KLHL23: variants seen among roughly 807,000 people sequenced by gnomAD.
KLHL23 encodes the protein kelch like family member 23, also known as kelch-like protein 23.
A neutral mutation model predicts 48.9 loss-of-function variants in KLHL23; 33 were observed. The observed-to-expected ratio is 0.67, with a 90% CI of 0.51 to 0.90. The LOEUF (loss-of-function observed/expected upper bound fraction) is 0.90. Ranked by LOEUF, KLHL23 falls within the 40% of genes least tolerant of loss-of-function variation. The pLI is 0.00. For missense variants in KLHL23, 608 were observed against 669.6 expected (o/e 0.91, Z 1.02); for synonymous variants, 234 against 231.6 (o/e 1.01, Z -0.09).
rs528181697 is a variant in KLHL23 at position 169,739,407 on chromosome 2, G to A, written c.1214-1978G>A. Among the ~76,000 whole-genome samples the A allele has an allele frequency of 3.3e-5, 5 of 152,210 alleles. No homozygotes were observed. In the East Asian group the frequency reaches 9.7e-4, roughly 29 times the overall value. On this transcript the variant is annotated intron_variant, in intron 2 of 3. Coordinates refer to ENST00000392647, the MANE Select transcript of KLHL23 (RefSeq NM_144711.6). ...CATCAGTAAGTATCCTTTGCTACAT[G>A]GCTTCAACTTACCATGCCAGCCTTA...
chr2:169,739,237 C>G (rs1688615316), intron 2 of KLHL23, among the ~76,000 whole-genome samples: 1 of 151,838 alleles, frequency 6.6e-6, no homozygotes, highest in Non-Finnish European at 1.5e-5. Context: ...TACCCAAAGC[C>G]CCTTCAAAAT....
chr2:169,748,521 AGAGACCAGGAT>A (rs1196835471), intron 3 of KLHL23, among the ~76,000 whole-genome samples: 1 of 152,216 alleles, frequency 6.6e-6, no homozygotes, highest in Non-Finnish European at 1.5e-5. Context: ...AAAACAGGGC[AGAGACCAGGAT>A]GAGGCAAATG....
In KLHL23 at chr2:169,749,594, T is replaced by C. The variant is rs1183661636; in HGVS notation, c.1539T>C (p.Thr513=). 8.7e-6 allele frequency: 14 copies of C among 1,613,968 alleles called. No individual in the cohort carries two copies. The Admixed American group carries it at 2.3e-4, about 27-fold the overall frequency. The change falls in exon 4 of 4, where the codon ACT becomes ACC. Residue 513 remains threonine, a synonymous_variant. Coordinates refer to ENST00000392647, the MANE Select transcript of KLHL23 (RefSeq NM_144711.6). ...AVIMNGCIYV[T]GGYSYSKGTY... ...TCATGAATGGATGTATTTATGTCAC[T>C]GGAGGATACTCCTACTCAAAGGGAA...
chr2:169,738,686 A>G lies in KLHL23; in HGVS notation c.1213+2459A>G, dbSNP rs182353831. On this transcript the variant is annotated intron_variant, in intron 2 of 3. Transcript: ENST00000392647. ...CTTATAAATCCACTTTTATTTTGGA[A>G]TAGAAAGGAACAAGAAGATTGAACT... Among the ~76,000 whole-genome samples the G allele has an allele frequency of 4.2e-4, 64 of 152,160 alleles. 1 individual carries two copies. In the East Asian group the frequency reaches 0.012, roughly 29 times the overall value.
intron 2 of KLHL23, among the ~76,000 whole-genome samples, chr2:169,740,471 C>G (rs541500379): frequency 6.9e-6 from 1 of 144,004 alleles, no homozygotes; most frequent in African/African-American, 2.6e-5. Flanking sequence ...TTTTTTGAGA[C>G]GGAGTCTCGC....
rs770246317 is a variant in KLHL23, at chr2:169,749,490, G to A, written c.1435G>A (p.Glu479Lys). 6.2e-7 allele frequency: 1 copy of A among 1,614,052 alleles called. No individual in the cohort carries two copies. The highest frequency in any genetic ancestry group is 8.5e-7 in the Non-Finnish European group (1 of 1,179,986). ...AGTCGGCGGACAAACTACAATCACAGAATGCTATGACCCTGAACAAAATGA... is the reference window on the plus strand; with the variant it reads ...AGTCGGCGGACAAACTACAATCACAAAATGCTATGACCCTGAACAAAATGA... ...YLVGGQTTITECYDPEQNEWR... is the reference protein window; with the variant it reads ...YLVGGQTTITKCYDPEQNEWR... The change falls in exon 4 of 4, where the codon GAA becomes AAA. Residue 479 changes from glutamate to lysine, a missense_variant. Glu to Lys is a moderately conservative substitution (Grantham distance 56, BLOSUM62 1). Transcript: ENST00000392647.
At chr2:169,738,815 C>G (rs1201190016) in intron 2 of KLHL23, among the ~76,000 whole-genome samples, 1 of 136,710 alleles carries the variant, frequency 7.3e-6, no homozygotes, top group South Asian at 2.5e-4. Flanking sequence ...CATCTTCCCT[C>G]CAAACCTATT....
rs1283281273 is a variant in KLHL23 at position 169,749,507 on chromosome 2, A to G, written c.1452A>G (p.Glu484=). Residue 484 remains glutamate (E), a synonymous_variant, in exon 4 of 4, where the codon GAA becomes GAG. Coordinates refer to ENST00000392647, the MANE Select transcript of KLHL23 (RefSeq NM_144711.6). Reference sequence around the variant, plus strand: ...CAATCACAGAATGCTATGACCCTGAACAAAATGAATGGAGAGAGATAGCTC... The same window carrying G: ...CAATCACAGAATGCTATGACCCTGAGCAAAATGAATGGAGAGAGATAGCTC... The part of the protein sequence containing the change: ...QTTITECYDP[E]QNEWREIAPM... 1.2e-6 allele frequency: 2 copies of G among 1,614,184 alleles called. No individual in the cohort carries two copies. The highest frequency in any genetic ancestry group is 1.7e-6 in the Non-Finnish European group (2 of 1,180,030).
intron 3 of KLHL23, among the ~76,000 whole-genome samples, chr2:169,747,389 T>TAA (rs10690582): frequency 7.2e-5 from 5 of 69,232 alleles, no homozygotes; most frequent in South Asian, 1.7e-3. Context: ...ACTCTGTCTC[T>TAA]AAAAAAAAAA....
rs538315930 is a variant in KLHL23, at chr2:169,751,659, ACT to A, written c.*1928_*1929del. ...TGCCATTAAAATAATTATTTGGAAG[ACT>A]GTAGAAACGTGGACATGTTTGATAT... is the stretch of plus-strand genomic sequence containing the variant. On this transcript the variant is annotated 3_prime_UTR_variant, in exon 4 of 4. Transcript: ENST00000392647. 1.4e-4 allele frequency: 22 copies of A among 152,346 alleles called. No homozygotes were observed. Among genetic ancestry groups the A allele is most frequent in the African/African-American group, 4.3e-4 (18 of 41,588 alleles). The allele number at this position is 152,346 out of a possible 1,614,324, so 9.4% of individuals were successfully genotyped here. A position where few individuals can be genotyped will look rare whatever the true frequency, so the allele number is the denominator to read the frequency against.
chr2:169,747,741 G>A (rs537490042), intron 3 of KLHL23, among the ~76,000 whole-genome samples: 6 of 152,240 alleles, frequency 3.9e-5, no homozygotes, highest in South Asian at 4.1e-4. Flanking sequence ...CATATTTATC[G>A]AATTCTCACA....
intron 1 of KLHL23, among the ~76,000 whole-genome samples, chr2:169,734,426 G>T (rs1232496232): frequency 6.6e-6 from 1 of 150,690 alleles, no homozygotes; most frequent in Admixed American, 6.6e-5. Context: ...GCCCAGGCGC[G>T]GGGCGCGCGG....
chr2:169,748,073 A>G (rs1434511316), intron 3 of KLHL23, among the ~76,000 whole-genome samples: 1 of 152,178 alleles, frequency 6.6e-6, no homozygotes, highest in Non-Finnish European at 1.5e-5. Context: ...ATATTGAGCT[A>G]TGATTGTGCC....
chr2:169,735,384 A>G lies in KLHL23; in HGVS notation c.370A>G (p.Lys124Glu). 1.2e-6 allele frequency: 2 copies of G among 1,613,076 alleles called. No homozygotes were observed. Among genetic ancestry groups the G allele is most frequent in the Admixed American group, 1.7e-5 (1 of 59,872 alleles). The part of the protein sequence containing the change: ...ADLLQFLSVK[K>E]ACERFLVRHL... ...TCTGCTACAGTTCCTTTCAGTAAAG[A>G]AGGCTTGTGAGCGGTTTTTGGTAAG... The change falls in exon 2 of 4, where the codon AAG (lysine) becomes GAG (glutamate). Residue 124 changes from lysine (K) to glutamate (E), a missense_variant. Transcript: ENST00000392647. This position sits in a 1 kb window ranked among gnomAD's most constrained non-coding sequence, Gnocchi z 4.5.
At position 169,749,639 on chromosome 2, in the gene KLHL23, GA is replaced by G; in HGVS notation, c.1587del (p.Lys529AsnfsTer11). The G allele has an allele frequency of 6.2e-7, 1 of 1,614,124 alleles. No homozygotes were observed. Among genetic ancestry groups the G allele is most frequent in the Non-Finnish European group, 8.5e-7 (1 of 1,180,026 alleles). On this transcript the variant is annotated frameshift_variant, in exon 4 of 4. Coordinates refer to ENST00000392647, the MANE Select transcript of KLHL23 (RefSeq NM_144711.6). LOFTEE classifies it high-confidence loss of function. The part of the protein sequence containing the change: ...SKGTYLQSIE[K>X]YDPDLNKWEI... Reference sequence around the variant, plus strand: ...AGGGAACGTATCTTCAGAGCATTGAGAAATATGATCCAGATCTTAATAAGTG... The same window carrying G: ...AGGGAACGTATCTTCAGAGCATTGAGAATATGATCCAGATCTTAATAAGTG...
rs1558951333 is a variant in KLHL23 at position 169,749,359 on chromosome 2, G to C, written c.1367-63G>C. ...TAAAGGATTATTACATTACCACACTGTGGAATCTCTTTTGTTTGTTATCCT... is the reference window on the plus strand; with the variant it reads ...TAAAGGATTATTACATTACCACACTCTGGAATCTCTTTTGTTTGTTATCCT... On this transcript the variant is annotated intron_variant, in intron 3 of 3. Transcript: ENST00000392647. 14 of 1,445,588 alleles carry C rather than the reference G, an allele frequency of 9.7e-6. No individual in the cohort carries two copies. In the South Asian group the frequency reaches 1.3e-4, roughly 14 times the overall value. The allele number at this position is 1,445,588 out of a possible 1,614,324, so 89.5% of individuals were successfully genotyped here.
At position 169,750,127 on chromosome 2, in the gene KLHL23, C is replaced by CATATATGTGTATATAT. The variant is rs1688937203; in HGVS notation, c.*396_*397insTATATGTGTATATATA. On this transcript the variant is annotated 3_prime_UTR_variant, in exon 4 of 4. Coordinates refer to ENST00000392647, the MANE Select transcript of KLHL23 (RefSeq NM_144711.6). ...ACATATATATGTGTGTATATATATA[C>CATATATGTGTATATAT]ACATATATACGTATATATGTGTATA... The CATATATGTGTATATAT allele has an allele frequency of 2.4e-5, 1 of 41,334 alleles. No individual in the cohort carries two copies. Among genetic ancestry groups the CATATATGTGTATATAT allele is most frequent in the Non-Finnish European group, 5.0e-5 (1 of 19,956 alleles). 2.6% of individuals were successfully genotyped at this position (41,334 alleles called of 1,614,324 possible).
intron 2 of KLHL23, among the ~76,000 whole-genome samples, chr2:169,740,804 GA>G (rs1193749530): frequency 8.8e-6 from 1 of 113,216 alleles, no homozygotes; most frequent in Non-Finnish European, 1.9e-5. Flanking sequence ...CTTATTTATT[GA>G]TTTTTTTACT....
At chr2:169,737,992 G>A (rs529908366) in intron 2 of KLHL23, among the ~76,000 whole-genome samples, 2 of 152,348 alleles carry the variant, frequency 1.3e-5, no homozygotes, top group African/African-American at 4.8e-5. Context: ...AAAAAGATAT[G>A]CTGCGATGGT....
Sources: allele counts gnomAD v4.1 joint callset (sites outside exome capture counted in the v4.1 genomes callset), GRCh38; gene constraint gnomAD v4.1.1; non-coding constraint Gnocchi (gnomAD v3.1); transcripts MANE v1.5; gene names NCBI Gene and HGNC (gene_info 2026-07-23, HGNC 2026-07-21).